Variants in TRDMT1 observed in about 807,000 individuals in gnomAD.
TRDMT1 encodes tRNA (cytosine(38)-C(5))-methyltransferase.
TRDMT1 carries 49 observed loss-of-function variants against 51.2 expected under a neutral mutation model. The ratio of observed to expected loss-of-function variants is 0.96; its 90% CI spans 0.76 to 1.21. The LOEUF is 1.21. Ranked by LOEUF, TRDMT1 falls within the 50% of genes most tolerant of loss-of-function variation. The pLI is 0.00. For synonymous variants in TRDMT1, 187 were observed against 164.6 expected (o/e 1.14, Z -1.04); for missense variants, 534 against 462.3 (o/e 1.16, Z -1.42).
In TRDMT1 at chr10:17,164,258, C is replaced by T. The variant is rs527404586; in HGVS notation, c.252-2021G>A. 1.2e-4 allele frequency among the ~76,000 whole-genome samples: 19 copies of T among 152,198 alleles called. No homozygotes were observed. In the South Asian group the frequency reaches 3.1e-3, roughly 25 times the overall value. ...TAATCCAGCATATAAACAGAACCAACGACAAAAACCACATGATTATCTCAA... is the reference window on the plus strand; with the variant it reads ...TAATCCAGCATATAAACAGAACCAATGACAAAAACCACATGATTATCTCAA... On this transcript the variant is annotated intron_variant, in intron 3 of 10. Transcript: ENST00000377799.
chr10:17,199,380 G>C (rs569913255), intron 1 of TRDMT1, among the ~76,000 whole-genome samples: 1 of 152,272 alleles, frequency 6.6e-6, no homozygotes, highest in African/African-American at 2.4e-5. Flanking sequence ...CGAAGCTAGA[G>C]TGAAAAAGTC....
chr10:17,176,116 A>G (rs542464323), intron 1 of TRDMT1, among the ~76,000 whole-genome samples: 47 of 152,382 alleles, frequency 3.1e-4, no homozygotes, highest in African/African-American at 1.1e-3. Flanking sequence ...ATATTAATAT[A>G]TAAGGATCCA....
intron 1 of TRDMT1, among the ~76,000 whole-genome samples, chr10:17,189,238 T>C (rs1427343858): frequency 1.1e-4 from 17 of 152,224 alleles, no homozygotes; most frequent in Admixed American, 1.1e-3. Context: ...TATATATTTG[T>C]ATTTTGTTTT....
At chr10:17,179,180 G>A (rs563516178) in intron 1 of TRDMT1, among the ~76,000 whole-genome samples, 14 of 152,138 alleles carry the variant, frequency 9.2e-5, no homozygotes, top group Non-Finnish European at 1.6e-4. Context: ...TTTCCGGAAC[G>A]TCTCTAGAAA....
rs1464546787 is a variant in TRDMT1 at position 17,138,408 on chromosome 10, T to C, written c.*10632A>G. 6.6e-6 allele frequency among the ~76,000 whole-genome samples: 1 copy of C among 152,236 alleles called. No individual in the cohort carries two copies. The highest frequency in any genetic ancestry group is 1.5e-5 in the Non-Finnish European group (1 of 68,048). ...AAAATTTCAGGGCAATATAACATTG[T>C]TCCAATTCTTTCATTTTCCATGAAG... On this transcript the variant is annotated 3_prime_UTR_variant, in exon 11 of 11. Transcript: ENST00000377799.
At chr10:17,179,297 G>C (rs1201871753) in intron 1 of TRDMT1, among the ~76,000 whole-genome samples, 1 of 152,076 alleles carries the variant, frequency 6.6e-6, no homozygotes, top group Non-Finnish European at 1.5e-5. Context: ...CAGAAGAGAA[G>C]AGAAAAAGCA....
In TRDMT1 at chr10:17,172,811, G is replaced by A. The variant is rs549099407; in HGVS notation, c.174+1740C>T. On this transcript the variant is annotated intron_variant, in intron 2 of 10. Transcript: ENST00000377799. ...ATGTATGTTGGTGCCTATAACATTC[G>A]TAGCAGTAAAGTGCAAGACAAAATA... Among the ~76,000 whole-genome samples, 16 of 152,160 alleles carry A rather than the reference G, an allele frequency of 1.1e-4. No individual in the cohort carries two copies. The East Asian group carries it at 1.2e-3, about 11-fold the overall frequency.
intron 1 of TRDMT1, chr10:17,200,404 G>C (rs542674992): frequency 1.0e-4 from 17 of 163,924 alleles, no homozygotes; most frequent in East Asian, 3.9e-4. Context: ...AATAAAGATA[G>C]CCGGCAAACA....
intron 1 of TRDMT1, among the ~76,000 whole-genome samples, chr10:17,201,013 C>T (rs1285691868): frequency 6.6e-6 from 1 of 152,232 alleles, no homozygotes; most frequent in East Asian, 1.9e-4. Context: ...AAACGCAGAA[C>T]TACAGAAGAC....
chr10:17,146,856 A>G lies in TRDMT1; in HGVS notation c.*2184T>C. ...AATTATGCATACATATACATCTGCT[A>G]ATTGAATGACACTGGTAGATACATC... On this transcript the variant is annotated 3_prime_UTR_variant, in exon 11 of 11. Coordinates refer to ENST00000377799, the MANE Select transcript of TRDMT1 (RefSeq NM_004412.7). 1 of 985,396 alleles carries G rather than the reference A, an allele frequency of 1.0e-6. No homozygotes were observed. The highest frequency in any genetic ancestry group is 1.2e-6 in the Non-Finnish European group (1 of 829,884). The allele number at this position is 985,396 out of a possible 1,614,324, so 61.0% of individuals were successfully genotyped here. A position where few individuals can be genotyped will look rare whatever the true frequency, so the allele number is the denominator to read the frequency against.
intron 1 of TRDMT1, among the ~76,000 whole-genome samples, chr10:17,180,989 G>T (rs1843215566): frequency 6.6e-6 from 1 of 152,088 alleles, no homozygotes; most frequent in African/African-American, 2.4e-5. Flanking sequence ...TCAAAAATAT[G>T]ATTTCTAGTT....
At chr10:17,168,782 G>A (rs373046502) in intron 3 of TRDMT1, 59 bp downstream of exon 3, 12 of 1,247,526 alleles carry the variant, frequency 9.6e-6, no homozygotes, top group Middle Eastern at 3.8e-4. Flanking sequence ...TCTCAGGTAT[G>A]TCTTTATCAG....
chr10:17,178,658 A>G (rs1842907537), intron 1 of TRDMT1, among the ~76,000 whole-genome samples: 1 of 148,412 alleles, frequency 6.7e-6, no homozygotes, highest in South Asian at 2.1e-4. Flanking sequence ...CCTAGATGAC[A>G]GAATGAGACT....
chr10:17,153,260 C>A (rs951615733), intron 10 of TRDMT1: 13 of 498,192 alleles, frequency 2.6e-5, no homozygotes, highest in African/African-American at 5.8e-5. Context: ...CCAATGTGAC[C>A]CTTCTAGCCA....
chr10:17,167,737 T>G (rs1390347551), intron 3 of TRDMT1, among the ~76,000 whole-genome samples: 2 of 152,186 alleles, frequency 1.3e-5, no homozygotes, highest in African/African-American at 4.8e-5. Context: ...AGTTCACAAG[T>G]GCATGCTTAA....
intron 1 of TRDMT1, among the ~76,000 whole-genome samples, chr10:17,186,051 A>AT (rs1843855527): frequency 4.5e-5 from 4 of 88,916 alleles, no homozygotes; most frequent in Admixed American, 4.4e-4. Flanking sequence ...TTACAGTATA[A>AT]TAAATAAATA....
intron 3 of TRDMT1, among the ~76,000 whole-genome samples, chr10:17,166,940 G>T (rs1841302743): frequency 6.6e-6 from 1 of 152,160 alleles, no homozygotes; most frequent in African/African-American, 2.4e-5. Context: ...TGCCTGCTCT[G>T]ATATACTCCT....
In TRDMT1 at chr10:17,145,490, A is replaced by G. The variant is rs1232745573; in HGVS notation, c.*3550T>C. On this transcript the variant is annotated 3_prime_UTR_variant, in exon 11 of 11. Transcript: ENST00000377799. ...TAATCTCAATGCAATCACAGGCTAC[A>G]AGAAAACTGCTGAGGCTATATGACC... The G allele has an allele frequency of 1.3e-4, 124 of 985,348 alleles. No homozygotes were observed. The highest frequency in any genetic ancestry group is 1.5e-4 in the Non-Finnish European group (123 of 829,938). 61.0% of individuals were successfully genotyped at this position (985,348 alleles called of 1,614,324 possible).
At chr10:17,149,882 G>A (rs1312224020) in intron 10 of TRDMT1, among the ~76,000 whole-genome samples, 3 of 151,914 alleles carry the variant, frequency 2.0e-5, no homozygotes, top group Non-Finnish European at 4.4e-5. Flanking sequence ...CCATTCATTC[G>A]TTCATAGACA....
Sources: gnomAD v4.1 joint callset for allele counts (sites outside exome capture counted in the v4.1 genomes callset) on GRCh38, gnomAD v4.1.1 for gene constraint, MANE v1.5 for transcripts, NCBI Gene and HGNC (gene_info 2026-07-23, HGNC 2026-07-21) for gene names.